Variants in BRINP3 observed in about 807,000 individuals in gnomAD.
BRINP3 encodes BMP/retinoic acid-inducible neural-specific protein 3.
Under a neutral mutation model 71.0 loss-of-function variants are expected in BRINP3, and 19 were observed. That is an observed-to-expected ratio of 0.27 (90% CI 0.19 to 0.39). The LOEUF (loss-of-function observed/expected upper bound fraction) is 0.39. Ranked by LOEUF, BRINP3 falls within the 10% of genes least tolerant of loss-of-function variation. The pLI, the probability that BRINP3 is intolerant of heterozygous loss-of-function variation, is 1.00. For synonymous variants in BRINP3, 380 were observed against 337.7 expected, an observed-to-expected ratio of 1.13 and a Z score of -1.37; for missense variants, 959 against 940.8, an observed-to-expected ratio of 1.02 and a Z score of -0.25.
chr1:190,130,375 T>C (rs1445370036), intron 7 of BRINP3, among the ~76,000 whole-genome samples: 1 of 152,062 alleles, frequency 6.6e-6, no homozygotes, highest in Non-Finnish European at 1.5e-5. Context: ...TTACTTACTC[T>C]TATAATTAGT....
intron 2 of BRINP3, among the ~76,000 whole-genome samples, chr1:190,321,694 T>C: frequency 6.6e-6 from 1 of 152,118 alleles, no homozygotes. Flanking sequence ...TTATCTTTGC[T>C]TTGGAAACAT....
chr1:190,191,591 C>T (rs910769922), intron 6 of BRINP3, among the ~76,000 whole-genome samples: 6 of 152,188 alleles, frequency 3.9e-5, no homozygotes, highest in Middle Eastern at 6.8e-3. Context: ...GATCTCATTC[C>T]TTTTTATGAC....
intron 2 of BRINP3, among the ~76,000 whole-genome samples, chr1:190,380,692 T>C (rs1159323081): frequency 6.6e-6 from 1 of 152,128 alleles, no homozygotes; most frequent in Admixed American, 6.6e-5. Context: ...TATTAATATA[T>C]GAGTAAATCT....
At chr1:190,247,503 T>C (rs1659718121) in intron 4 of BRINP3, among the ~76,000 whole-genome samples, 1 of 151,902 alleles carries the variant, frequency 6.6e-6, no homozygotes, top group South Asian at 2.1e-4. Context: ...CTTATTGGAT[T>C]TTTGAAAATA....
intron 2 of BRINP3, among the ~76,000 whole-genome samples, chr1:190,422,538 C>T (rs574817297): frequency 4.8e-4 from 73 of 151,780 alleles, no homozygotes; most frequent in Non-Finnish European, 8.7e-4. Flanking sequence ...GCTGAAAATT[C>T]ATCAGAAATG....
In BRINP3 at chr1:190,339,639, A is replaced by C. The variant is rs1391906108; in HGVS notation, c.237-57889T>G. On this transcript the variant is annotated intron_variant, in intron 2 of 7. Coordinates refer to ENST00000367462, the MANE Select transcript of BRINP3 (RefSeq NM_199051.3). ...CAGAGTGGCTCATACAATGTTATTC[A>C]TGTGGCTCCTCTAGTATTGCCCACC... is the stretch of plus-strand genomic sequence containing the variant. 2.0e-5 allele frequency among the ~76,000 whole-genome samples: 3 copies of C among 151,944 alleles called. No individual in the cohort carries two copies. The Admixed American group carries it at 2.0e-4, about 10-fold the overall frequency.
intron 5 of BRINP3, 70 bp downstream of exon 5, chr1:190,234,302 G>A: frequency 8.5e-7 from 1 of 1,175,526 alleles, no homozygotes; most frequent in Non-Finnish European, 1.2e-6. Context: ...TTTAAAAAAT[G>A]GAAAAGAAAT....
At chr1:190,246,752 C>A (rs1445063934) in intron 4 of BRINP3, among the ~76,000 whole-genome samples, 1 of 151,966 alleles carries the variant, frequency 6.6e-6, no homozygotes, top group African/African-American at 2.4e-5. Context: ...TGTGGCTTGC[C>A]TCCTTTTCCT....
At chr1:190,262,201 A>C (rs181378043) in intron 4 of BRINP3, among the ~76,000 whole-genome samples, 303 of 152,256 alleles carry the variant, frequency 2.0e-3, no homozygotes, top group African/African-American at 7.1e-3. Flanking sequence ...ACAGCACACA[A>C]GCACAATGCC....
intron 6 of BRINP3, among the ~76,000 whole-genome samples, chr1:190,161,847 A>G (rs1450637570): frequency 2.6e-5 from 4 of 152,198 alleles, no homozygotes; most frequent in African/African-American, 4.8e-5. Context: ...GCATAGACAG[A>G]CCTTTAAGAT....
chr1:190,474,239 A>G (rs775319193), intron 1 of BRINP3, among the ~76,000 whole-genome samples: 79 of 152,190 alleles, frequency 5.2e-4, no homozygotes, highest in Non-Finnish European at 7.4e-4. Context: ...ATGCATGTTA[A>G]ACATCTAAAC....
At chr1:190,148,656 A>G (rs367640491) in intron 7 of BRINP3, among the ~76,000 whole-genome samples, 1 of 149,474 alleles carries the variant, frequency 6.7e-6, no homozygotes, top group Non-Finnish European at 1.5e-5. Context: ...AATAAATTCT[A>G]TCTCCTCATT....
At chr1:190,344,133 A>G (rs1418453891) in intron 2 of BRINP3, among the ~76,000 whole-genome samples, 3 of 151,826 alleles carry the variant, frequency 2.0e-5, no homozygotes, top group Admixed American at 2.0e-4. Flanking sequence ...AGTAGAAAAA[A>G]ATCTTCTTCT....
At chr1:190,147,390 C>A (rs1489680443) in intron 7 of BRINP3, among the ~76,000 whole-genome samples, 3 of 152,038 alleles carry the variant, frequency 2.0e-5, no homozygotes, top group Admixed American at 2.0e-4. Context: ...TATATACCTT[C>A]TTGAGTTGAT....
chr1:190,345,355 T>A (rs1667947200), intron 2 of BRINP3, among the ~76,000 whole-genome samples: 1 of 151,754 alleles, frequency 6.6e-6, no homozygotes, highest in Non-Finnish European at 1.5e-5. Flanking sequence ...AGCAATAGTT[T>A]AGAGCTCAGA....
At position 190,454,952 on chromosome 1, in the gene BRINP3, A is replaced by C; in HGVS notation, c.-50-12T>G. On this transcript the variant is annotated splice_polypyrimidine_tract_variant and intron_variant, in intron 1 of 7. Coordinates refer to ENST00000367462, the MANE Select transcript of BRINP3 (RefSeq NM_199051.3). ...CTTTCCCTCAACACCTAGACAAAAT[A>C]CACAGGCAATTAGTTAACTCCTAGA... is the stretch of plus-strand genomic sequence containing the variant. The C allele has an allele frequency of 7.6e-7, 1 of 1,318,708 alleles. No individual in the cohort carries two copies. Among genetic ancestry groups the C allele is most frequent in the Non-Finnish European group, 1.1e-6 (1 of 930,340 alleles). The allele number at this position is 1,318,708 out of a possible 1,614,324, so 81.7% of individuals were successfully genotyped here.
chr1:190,316,813 A>C (rs2103039233), intron 2 of BRINP3, among the ~76,000 whole-genome samples: 1 of 152,290 alleles, frequency 6.6e-6, no homozygotes, highest in South Asian at 2.1e-4. Context: ...TCATGAATTC[A>C]AGACAACCAA....
At chr1:190,240,769 G>A (rs911550968) in intron 4 of BRINP3, among the ~76,000 whole-genome samples, 5 of 150,670 alleles carry the variant, frequency 3.3e-5, no homozygotes, top group Non-Finnish European at 7.4e-5. Flanking sequence ...CTACTCTGGA[G>A]GCTGAGGCAG....
At chr1:190,297,450 C>T (rs1186432691) in intron 2 of BRINP3, among the ~76,000 whole-genome samples, 1 of 151,940 alleles carries the variant, frequency 6.6e-6, no homozygotes, top group Non-Finnish European at 1.5e-5. Context: ...AGAAAAGCTC[C>T]TTGTTTACAA....
Sources: gnomAD v4.1 joint callset for allele counts (sites outside exome capture counted in the v4.1 genomes callset) on GRCh38, gnomAD v4.1.1 for gene constraint, MANE v1.5 for transcripts, NCBI Gene and HGNC (gene_info 2026-07-23, HGNC 2026-07-21) for gene names.